Variants in PLXDC1 observed in about 807,000 individuals in gnomAD.
PLXDC1 encodes the protein plexin domain containing 1.
In PLXDC1, 39 loss-of-function variants were observed where a neutral mutation model predicts 61.3. That is an observed-to-expected ratio of 0.64 (90% CI 0.49 to 0.83). PLXDC1 has a LOEUF of 0.83. Among genes scored for constraint, PLXDC1 ranks in the 40% least tolerant of loss-of-function variants. The pLI is 0.00. For missense variants in PLXDC1, 596 were observed against 666.5 expected, an observed-to-expected ratio of 0.89 and a Z score of 1.17; for synonymous variants, 212 against 254.5, an observed-to-expected ratio of 0.83 and a Z score of 1.59.
At chr17:39,088,722 C>T (rs1909832610) in intron 7 of PLXDC1, among the ~76,000 whole-genome samples, 1 of 151,988 alleles carries the variant, frequency 6.6e-6, no homozygotes, top group Non-Finnish European at 1.5e-5. Flanking sequence ...AGGTGGATCA[C>T]TTGAGGTCAG....
intron 2 of PLXDC1, among the ~76,000 whole-genome samples, chr17:39,120,950 A>C (rs1911145469): frequency 6.6e-6 from 1 of 151,848 alleles, no homozygotes; most frequent in African/African-American, 2.4e-5. Context: ...TATTTTTAGT[A>C]GAGACAGGGT....
intron 2 of PLXDC1, among the ~76,000 whole-genome samples, chr17:39,121,917 C>T (rs1045214799): frequency 2.1e-4 from 32 of 150,812 alleles, no homozygotes; most frequent in Non-Finnish European, 3.1e-4. Flanking sequence ...GCCAACATGG[C>T]GAAACCCCAT....
At chr17:39,093,860 A>G (rs1391452651) in intron 7 of PLXDC1, among the ~76,000 whole-genome samples, 1 of 152,148 alleles carries the variant, frequency 6.6e-6, no homozygotes, top group Non-Finnish European at 1.5e-5. Flanking sequence ...CCGGGTGTCT[A>G]CAGAGTCACT....
chr17:39,151,741 G>C (rs2045375014), upstream of PLXDC1: 1 of 230,874 alleles, frequency 4.3e-6, no homozygotes, highest in Non-Finnish European at 7.3e-6. This position sits in a 1 kb window ranked among gnomAD's most constrained non-coding sequence, Gnocchi z 5.2. Flanking sequence ...CCCGGCGCCT[G>C]CCCTCAGCCC....
intron 12 of PLXDC1, among the ~76,000 whole-genome samples, chr17:39,071,698 C>T (rs1909124316): frequency 6.6e-6 from 1 of 152,092 alleles, no homozygotes; most frequent in Non-Finnish European, 1.5e-5. Context: ...GGCCCAGCCA[C>T]CCCCACAACA....
At chr17:39,083,421 C>T (rs554037392) in intron 9 of PLXDC1, 38 bp downstream of exon 9, 40 of 1,548,646 alleles carry the variant, frequency 2.6e-5, no homozygotes, top group East Asian at 1.4e-4. Flanking sequence ...CCTCCACAGT[C>T]GGCCAGTGGG....
intron 11 of PLXDC1, among the ~76,000 whole-genome samples, chr17:39,077,495 G>C (rs1309199666): frequency 6.6e-6 from 1 of 152,150 alleles, no homozygotes; most frequent in Non-Finnish European, 1.5e-5. Context: ...GAAAAACAAG[G>C]CAGCCTTTCT....
chr17:39,143,981 G>A (rs1878145746), intron 1 of PLXDC1, among the ~76,000 whole-genome samples: 1 of 152,216 alleles, frequency 6.6e-6, no homozygotes, highest in African/African-American at 2.4e-5. Flanking sequence ...AAGCAGCCCT[G>A]GGGCCTGGGC....
intron 1 of PLXDC1, among the ~76,000 whole-genome samples, chr17:39,141,249 G>A (rs182865232): frequency 6.6e-6 from 1 of 152,258 alleles, no homozygotes; most frequent in East Asian, 1.9e-4. Flanking sequence ...AGGGTGGTTG[G>A]TCTTGAATTC....
At chr17:39,100,236 C>CT (rs200426050) in intron 7 of PLXDC1, among the ~76,000 whole-genome samples, 1 of 152,114 alleles carries the variant, frequency 6.6e-6, no homozygotes, top group East Asian at 1.9e-4. Context: ...CTGGCTAACA[C>CT]TTTTTTTCTT....
At chr17:39,144,080 A>T (rs1229943629) in intron 1 of PLXDC1, among the ~76,000 whole-genome samples, 1 of 152,130 alleles carries the variant, frequency 6.6e-6, no homozygotes, top group African/African-American at 2.4e-5. Context: ...AGGATTCACA[A>T]ACCTGGAGCC....
chr17:39,070,262 A>T (rs1909064201), intron 12 of PLXDC1: 1 of 395,698 alleles, frequency 2.5e-6, no homozygotes, highest in Admixed American at 4.1e-5. Context: ...AATAAGGATC[A>T]TAAGAGAAGT....
At position 39,067,571 on chromosome 17, in the gene PLXDC1, A is replaced by G. The variant is rs1194090214; in HGVS notation, c.*269T>C. ...GTTATGTTAGTTCTTCTGCTGTTTC[A>G]TGGTTACAAGACACAGAAGAGAACC... On this transcript the variant is annotated 3_prime_UTR_variant, in exon 14 of 14. Transcript: ENST00000315392. 5.9e-6 allele frequency: 2 copies of G among 338,796 alleles called. No homozygotes were observed. The highest frequency in any genetic ancestry group is 4.8e-5 in the East Asian group (1 of 20,860). The allele number at this position is 338,796 out of a possible 1,614,324, so 21.0% of individuals were successfully genotyped here.
chr17:39,143,937 G>A (rs551236175), intron 1 of PLXDC1, among the ~76,000 whole-genome samples: 1 of 152,280 alleles, frequency 6.6e-6, no homozygotes, highest in East Asian at 1.9e-4. Flanking sequence ...TGTTTGTGCT[G>A]GGCTGGTCTG....
In PLXDC1 at chr17:39,079,130, A is replaced by G; in HGVS notation, c.1024T>C (p.Trp342Arg). 6.2e-7 allele frequency: 1 copy of G among 1,613,636 alleles called. No homozygotes were observed. The highest frequency in any genetic ancestry group is 8.5e-7 in the Non-Finnish European group (1 of 1,179,774). Residue 342 changes from tryptophan to arginine, a missense_variant, in exon 10 of 14, where the codon TGG becomes CGG. Coordinates refer to ENST00000315392, the MANE Select transcript of PLXDC1 (RefSeq NM_020405.5). The stretch of plus-strand genomic sequence containing the variant: ...TCCTGTGCACAGCCATAGTCCATCC[A>G]CTCCTGGCGATAGCGGTCAAAGCCA... ...SSGFDRYRQE[W>R]MDYGCAQEAE... is the part of the protein sequence containing the mutation.
At position 39,067,812 on chromosome 17, in the gene PLXDC1, A is replaced by G; in HGVS notation, c.*28T>C. ...TTTAACTGTCTTTTCTGTGGCCTCAAAGTCTTCAAAGGGGAGACTTGGTGT... is the reference window on the plus strand; with the variant it reads ...TTTAACTGTCTTTTCTGTGGCCTCAGAGTCTTCAAAGGGGAGACTTGGTGT... On this transcript the variant is annotated 3_prime_UTR_variant, in exon 14 of 14. Coordinates refer to ENST00000315392, the MANE Select transcript of PLXDC1 (RefSeq NM_020405.5). The G allele has an allele frequency of 7.5e-6, 12 of 1,593,746 alleles. No individual in the cohort carries two copies. The highest frequency in any genetic ancestry group is 9.4e-6 in the Non-Finnish European group (11 of 1,166,330).
At chr17:39,136,538 C>T (rs78177842) in intron 2 of PLXDC1, among the ~76,000 whole-genome samples, 9,813 of 152,060 alleles carry the variant, frequency 0.065, 483 homozygotes, top group African/African-American at 0.13. Flanking sequence ...CGTGAGCCAC[C>T]GTGCCCGGCC....
chr17:39,124,010 T>C (rs1346427730), intron 2 of PLXDC1, among the ~76,000 whole-genome samples: 2 of 152,120 alleles, frequency 1.3e-5, no homozygotes, highest in African/African-American at 4.8e-5. Context: ...TCCCAGTCCC[T>C]GCCCTTCGAT....
At chr17:39,109,083 G>T in intron 3 of PLXDC1, 110 bp from the exon 4 acceptor site, 2 of 1,236,772 alleles carry the variant, frequency 1.6e-6, no homozygotes, top group Non-Finnish European at 2.3e-6. Context: ...CATGCCCAGG[G>T]CCACTGCTGG....
Sources: gnomAD v4.1 joint callset for allele counts (sites outside exome capture counted in the v4.1 genomes callset) on GRCh38, gnomAD v4.1.1 for gene constraint, Gnocchi (gnomAD v3.1) non-coding constraint, MANE v1.5 for transcripts, NCBI Gene and HGNC (gene_info 2026-07-23, HGNC 2026-07-21) for gene names.